ALK: variants seen among roughly 807,000 people sequenced by gnomAD.
ALK encodes the protein ALK receptor tyrosine kinase.
A neutral mutation model predicts 163.1 loss-of-function variants in ALK; 74 were observed. That is an observed-to-expected ratio of 0.45 (90% confidence interval 0.38 to 0.55). ALK has a LOEUF of 0.55. Among genes scored for constraint, ALK ranks in the 20% least tolerant of loss-of-function variants. ALK has a pLI of 0.00. For missense variants in ALK, 2,063 were observed against 2,105.3 expected (o/e 0.98, Z 0.39); for synonymous variants, 960 against 843.2 (o/e 1.14, Z -2.40).
intron 1 of ALK, among the ~76,000 whole-genome samples, chr2:29,800,341 A>G (rs1352785700): frequency 6.6e-6 from 1 of 152,224 alleles, no homozygotes; most frequent in African/African-American, 2.4e-5. Context: ...AAATCCTTGC[A>G]TGTTTCTTCA....
chr2:29,251,370 C>G (rs912942026), intron 11 of ALK, 103 bp from the exon 12 acceptor site: 7 of 1,230,466 alleles, frequency 5.7e-6, no homozygotes, highest in African/African-American at 4.5e-5. Context: ...GGCCCCAAAC[C>G]CTCCATCCAA....
chr2:29,569,394 T>C (rs1046931556), intron 3 of ALK, among the ~76,000 whole-genome samples: 2 of 152,214 alleles, frequency 1.3e-5, no homozygotes, highest in Non-Finnish European at 2.9e-5. Context: ...TCTGTATCCC[T>C]AATAATGCAT....
In ALK at chr2:29,425,361, G is replaced by A. The variant is rs188945557; in HGVS notation, c.1155-41502C>T. On this transcript the variant is annotated intron_variant, in intron 4 of 28. Transcript: ENST00000389048. ...GTCTGGTACCTCCTGGTACCCAGGA[G>A]GGACAGGCTATGAGCATTTCTAATT... 2.6e-3 allele frequency among the ~76,000 whole-genome samples: 398 copies of A among 152,252 alleles called. 6 individuals carry two copies. Among genetic ancestry groups the A allele is most frequent in the African/African-American group, 9.0e-3 (376 of 41,550 alleles).
intron 4 of ALK, among the ~76,000 whole-genome samples, chr2:29,504,867 A>G (rs1370024096): frequency 2.0e-5 from 3 of 152,146 alleles, no homozygotes; most frequent in Non-Finnish European, 4.4e-5. Context: ...AAAAACCACA[A>G]TTACCTTTGC....
At chr2:29,362,367 TA>T (rs1292130314) in intron 5 of ALK, among the ~76,000 whole-genome samples, 1 of 152,148 alleles carries the variant, frequency 6.6e-6, no homozygotes, top group Non-Finnish European at 1.5e-5. Context: ...TTCTAGGTGC[TA>T]AAGAGGCAAA....
chr2:29,818,469 C>T (rs1392811471), intron 1 of ALK, among the ~76,000 whole-genome samples: 2 of 152,252 alleles, frequency 1.3e-5, no homozygotes, highest in Non-Finnish European at 1.5e-5. Context: ...AAGCCCGGCC[C>T]GGCGCGTGCC....
At chr2:29,713,467 T>A (rs1054081175) in intron 2 of ALK, among the ~76,000 whole-genome samples, 22 of 152,206 alleles carry the variant, frequency 1.4e-4, no homozygotes, top group African/African-American at 5.1e-4. Context: ...TTACTTGGCC[T>A]GCCTGGGATA....
intron 9 of ALK, among the ~76,000 whole-genome samples, chr2:29,278,983 G>C (rs200234715): frequency 1.3e-5 from 2 of 151,974 alleles, no homozygotes; most frequent in African/African-American, 4.8e-5. Flanking sequence ...TGTGCCTGGG[G>C]GGGGGGACAG....
intron 1 of ALK, among the ~76,000 whole-genome samples, chr2:29,915,526 C>A (rs1375272269): frequency 1.3e-5 from 2 of 152,112 alleles, no homozygotes; most frequent in African/African-American, 2.4e-5. Flanking sequence ...AGCCTAGATA[C>A]CCATTTTTAT....
chr2:29,517,110 G>A (rs1672690497), intron 4 of ALK, among the ~76,000 whole-genome samples: 1 of 152,212 alleles, frequency 6.6e-6, no homozygotes, highest in South Asian at 2.1e-4. Context: ...TGTATGTTTT[G>A]ATGAAGTTGA....
At chr2:29,820,610 AAAG>A (rs1238030198) in intron 1 of ALK, among the ~76,000 whole-genome samples, 5 of 152,228 alleles carry the variant, frequency 3.3e-5, no homozygotes, top group Non-Finnish European at 7.3e-5. Context: ...TCCAGCTGAA[AAAG>A]AAGCACGTCC....
At chr2:29,600,080 G>C (rs974389955) in intron 3 of ALK, among the ~76,000 whole-genome samples, 1 of 152,150 alleles carries the variant, frequency 6.6e-6, no homozygotes, top group Non-Finnish European at 1.5e-5. Context: ...CCATCCACAC[G>C]TGGGGCAGAC....
intron 8 of ALK, 87 bp downstream of exon 8, chr2:29,318,217 C>T: frequency 8.9e-7 from 1 of 1,117,820 alleles, no homozygotes; most frequent in Non-Finnish European, 1.4e-6. Flanking sequence ...CCAGCCCAGC[C>T]AGCTAGGCTA....
intron 3 of ALK, among the ~76,000 whole-genome samples, chr2:29,548,397 C>T (rs1573447710): frequency 6.6e-6 from 1 of 151,648 alleles, no homozygotes; most frequent in Non-Finnish European, 1.5e-5. Context: ...CGCTTGAACC[C>T]GGAAGGTGGA....
intron 4 of ALK, among the ~76,000 whole-genome samples, chr2:29,422,606 T>G (rs1325921811): frequency 6.6e-6 from 1 of 152,220 alleles, no homozygotes; most frequent in East Asian, 1.9e-4. Context: ...AAGAAATGCT[T>G]AAGAATTTTT....
At chr2:29,918,590 T>C (rs1667897104) in intron 1 of ALK, among the ~76,000 whole-genome samples, 1 of 152,190 alleles carries the variant, frequency 6.6e-6, no homozygotes, top group Non-Finnish European at 1.5e-5. Flanking sequence ...AACACTAATG[T>C]TGAAATGTGC....
intron 1 of ALK, among the ~76,000 whole-genome samples, chr2:29,760,000 T>A (rs948308944): frequency 5.9e-5 from 9 of 152,236 alleles, no homozygotes; most frequent in Non-Finnish European, 7.3e-5. Flanking sequence ...GGATTTTTTT[T>A]AAACCTCTGC....
At chr2:29,632,357 A>G (rs1676403081) in intron 3 of ALK, among the ~76,000 whole-genome samples, 1 of 152,174 alleles carries the variant, frequency 6.6e-6, no homozygotes, top group Non-Finnish European at 1.5e-5. Context: ...GTATGATTGT[A>G]TTTGGAGATA....
At chr2:29,647,594 G>A (rs1676914394) in intron 3 of ALK, among the ~76,000 whole-genome samples, 1 of 152,038 alleles carries the variant, frequency 6.6e-6, no homozygotes, top group African/African-American at 2.4e-5. Context: ...CCTCAAGGCA[G>A]CCTGTGAAGA....
Sources: allele counts gnomAD v4.1 joint callset (sites outside exome capture counted in the v4.1 genomes callset), GRCh38; gene constraint gnomAD v4.1.1; transcripts MANE v1.5; gene names NCBI Gene and HGNC (gene_info 2026-07-23, HGNC 2026-07-21).